The following PFKFB4 variants were observed in gnomAD, a reference collection of about 807,000 sequenced individuals.
PFKFB4 encodes the protein 6-phosphofructo-2-kinase/fructose-2,6-bisphosphatase 4.
In PFKFB4, 42 loss-of-function variants were observed where a neutral mutation model predicts 62.8. That is an observed-to-expected ratio of 0.67 (90% CI 0.52 to 0.86). The LOEUF (loss-of-function observed/expected upper bound fraction) is 0.86. Ranked by LOEUF, PFKFB4 falls within the 40% of genes least tolerant of loss-of-function variation. The pLI is 0.00. For missense variants in PFKFB4, 475 were observed against 627.2 expected (o/e 0.76, Z 2.59); for synonymous variants, 204 against 240.7 (o/e 0.85, Z 1.41).
intron 1 of PFKFB4, among the ~76,000 whole-genome samples, chr3:48,550,455 GAC>G (rs2043106342): frequency 6.6e-6 from 1 of 152,142 alleles, no homozygotes; most frequent in African/African-American, 2.4e-5. Flanking sequence ...GGCTCTGGCA[GAC>G]ACAGTGGGAT....
rs1575346931 is a variant in PFKFB4 at position 48,519,630 on chromosome 3, T to C, written c.*117A>G. 1 of 810,376 alleles carries C rather than the reference T, an allele frequency of 1.2e-6. No homozygotes were observed. Among genetic ancestry groups the C allele is most frequent in the East Asian group, 2.5e-5 (1 of 39,854 alleles). 50.2% of individuals were successfully genotyped at this position (810,376 alleles called of 1,614,324 possible). ...GGGGCTCTGGGTTCCGCCAGCCATG[T>C]GTGGCTTCAAGAATATCCCTGCATG... On this transcript the variant is annotated 3_prime_UTR_variant, in exon 14 of 14. Coordinates refer to ENST00000232375, the MANE Select transcript of PFKFB4 (RefSeq NM_004567.4).
At chr3:48,537,421 G>A (rs555096908) in intron 7 of PFKFB4, among the ~76,000 whole-genome samples, 1 of 152,122 alleles carries the variant, frequency 6.6e-6, no homozygotes, top group South Asian at 2.1e-4. Context: ...GGCCCGGCCT[G>A]GGCTGGCTCT....
rs1198720988 is a variant in PFKFB4 at position 48,543,653 on chromosome 3, G to A, written c.312-7C>T. 6.2e-7 allele frequency: 1 copy of A among 1,609,676 alleles called. No individual in the cohort carries two copies. Among genetic ancestry groups the A allele is most frequent in the Non-Finnish European group, 8.5e-7 (1 of 1,178,256 alleles). On this transcript the variant is annotated splice_polypyrimidine_tract_variant and splice_region_variant and intron_variant, in intron 3 of 13. Transcript: ENST00000232375. ...GGCTGCCAGGGCACACTGCCTTCAG[G>A]AGAGAAAACACAGGGTCAGCCCAGC... is the stretch of plus-strand genomic sequence containing the variant.
At chr3:48,527,831 GCACAGGC>G (rs1447622990) in intron 9 of PFKFB4, among the ~76,000 whole-genome samples, 1 of 151,940 alleles carries the variant, frequency 6.6e-6, no homozygotes, top group East Asian at 1.9e-4. Context: ...GGGATTACAG[GCACAGGC>G]CACCATGGCT....
upstream of PFKFB4, among the ~76,000 whole-genome samples, chr3:48,557,269 G>A (rs1426970946): frequency 6.6e-6 from 1 of 152,208 alleles, no homozygotes; most frequent in East Asian, 1.9e-4. Flanking sequence ...TTTTCATGCA[G>A]TGGGACGAGG....
rs368202893 is a variant in PFKFB4 at position 48,522,022 on chromosome 3, G to A, written c.1314C>T (p.Asn438=). 3.3e-5 allele frequency: 53 copies of A among 1,614,044 alleles called. No individual in the cohort carries two copies. Among genetic ancestry groups the A allele is most frequent in the East Asian group, 1.3e-4 (6 of 44,892 alleles). The part of the protein sequence containing the change: ...YGCKVESIFL[N]VAAVNTHRDR... Reference sequence around the variant, plus strand: ...CCCGGTGCGTGTTCACAGCAGCCACGTTCAGGAATATGGACTCCACTTTAC... The same window carrying A: ...CCCGGTGCGTGTTCACAGCAGCCACATTCAGGAATATGGACTCCACTTTAC... The change falls in exon 13 of 14, where the codon AAC becomes AAT. Residue 438 remains asparagine, a synonymous_variant. Coordinates refer to ENST00000232375, the MANE Select transcript of PFKFB4 (RefSeq NM_004567.4).
chr3:48,549,479 G>C (rs1012734400), intron 3 of PFKFB4, among the ~76,000 whole-genome samples: 1 of 152,026 alleles, frequency 6.6e-6, no homozygotes, highest in African/African-American at 2.4e-5. Flanking sequence ...GTGAGCGAGC[G>C]TGACCTCCAG....
chr3:48,561,366 C>T (rs1032967513), upstream of PFKFB4, among the ~76,000 whole-genome samples: 16 of 152,272 alleles, frequency 1.1e-4, no homozygotes, highest in Non-Finnish European at 2.2e-4. The surrounding 1 kb of genome is among the most constrained non-coding windows in gnomAD (Gnocchi z 5.2). Context: ...TGCCACCCAG[C>T]GTCTGCCTTC....
upstream of PFKFB4, among the ~76,000 whole-genome samples, chr3:48,557,512 G>C (rs561613057): frequency 5.9e-5 from 9 of 152,196 alleles, no homozygotes; most frequent in South Asian, 1.9e-3. Flanking sequence ...CTCTTTCTTT[G>C]CTTTGGCTGC....
At chr3:48,561,209 G>T (rs544194192), upstream of PFKFB4, 61 of 611,496 alleles carry the variant, frequency 1.0e-4, no homozygotes, top group Middle Eastern at 5.2e-4. The surrounding 1 kb of genome is among the most constrained non-coding windows in gnomAD (Gnocchi z 5.2). Flanking sequence ...CGACTCCTGC[G>T]GCTCCTGCAG....
intron 6 of PFKFB4, among the ~76,000 whole-genome samples, 183 bp downstream of exon 6, chr3:48,539,071 T>C (rs941569867): frequency 2.0e-5 from 3 of 152,026 alleles, no homozygotes; most frequent in African/African-American, 7.3e-5. Flanking sequence ...TGAGTGAATG[T>C]CCACCAGCCA....
At chr3:48,557,402 C>G (rs2043357909), upstream of PFKFB4, among the ~76,000 whole-genome samples, 1 of 152,218 alleles carries the variant, frequency 6.6e-6, no homozygotes, top group African/African-American at 2.4e-5. Flanking sequence ...CTGCTCCGAG[C>G]CCCGGGACTC....
upstream of PFKFB4, among the ~76,000 whole-genome samples, chr3:48,560,532 G>T (rs920621308): frequency 6.6e-6 from 1 of 152,232 alleles, no homozygotes; most frequent in Non-Finnish European, 1.5e-5. Flanking sequence ...GGTGCTTAGG[G>T]ATTCAGGACC....
At chr3:48,536,200 G>T in intron 8 of PFKFB4, 56 bp downstream of exon 8, 1 of 1,514,808 alleles carries the variant, frequency 6.6e-7, no homozygotes, top group Non-Finnish European at 9.1e-7. Context: ...CATATACCCA[G>T]CCACGCAGGG....
intron 7 of PFKFB4, among the ~76,000 whole-genome samples, chr3:48,537,924 A>G (rs1008403187): frequency 6.6e-6 from 1 of 152,200 alleles, no homozygotes; most frequent in African/African-American, 2.4e-5. Context: ...TCTCTCCACA[A>G]TGACGAGTTG....
rs370144510 is a variant in PFKFB4 at position 48,530,685 on chromosome 3, C to CTTTTG, written c.987+4822_987+4826dup. On this transcript the variant is annotated intron_variant, in intron 9 of 13. Transcript: ENST00000232375. ...GGCTAAAACTCAAAGCAAGTATATG[C>CTTTTG]TTTTGTTTTGTTTTGTTTTGTTTTC... is the stretch of plus-strand genomic sequence containing the variant. Among the ~76,000 whole-genome samples the CTTTTG allele has an allele frequency of 5.9e-5, 9 of 152,208 alleles. No homozygotes were observed. The South Asian group carries it at 8.3e-4, about 14-fold the overall frequency.
chr3:48,538,081 C>T (rs1487086194), intron 7 of PFKFB4, among the ~76,000 whole-genome samples: 1 of 152,150 alleles, frequency 6.6e-6, no homozygotes, highest in Admixed American at 6.6e-5. Flanking sequence ...TACTGGAACA[C>T]AGCTATGCCC....
At chr3:48,529,812 G>A (rs952760178) in intron 9 of PFKFB4, among the ~76,000 whole-genome samples, 2 of 152,128 alleles carry the variant, frequency 1.3e-5, no homozygotes, top group African/African-American at 4.8e-5. Flanking sequence ...AAATTAGCCA[G>A]GCGTAGTGTT....
chr3:48,546,109 G>C (rs540271043), intron 3 of PFKFB4, among the ~76,000 whole-genome samples: 2 of 152,254 alleles, frequency 1.3e-5, no homozygotes, highest in South Asian at 4.1e-4. Context: ...TGTGTGTGTT[G>C]TGCCCAAGTG....
Sources: gnomAD v4.1 joint callset for allele counts (sites outside exome capture counted in the v4.1 genomes callset) on GRCh38, gnomAD v4.1.1 for gene constraint, Gnocchi (gnomAD v3.1) non-coding constraint, MANE v1.5 for transcripts, NCBI Gene and HGNC (gene_info 2026-07-23, HGNC 2026-07-21) for gene names.